The following WWOX variants were observed in gnomAD, a reference collection of about 807,000 sequenced individuals.
The protein encoded by WWOX is WW domain-containing oxidoreductase.
WWOX carries 69 observed loss-of-function variants against 46.2 expected under a neutral mutation model. The observed-to-expected ratio is 1.49, with a 90% confidence interval of 1.23 to 1.82. WWOX has a LOEUF of 1.82. Among genes scored for constraint, WWOX ranks in the 40% most tolerant of loss-of-function variants. The pLI, the probability that WWOX is intolerant of heterozygous loss-of-function variation, is 0.00. For missense variants in WWOX, 919 were observed against 542.6 expected (o/e 1.69, Z -6.89); for synonymous variants, 359 against 202.6 (o/e 1.77, Z -6.56).
chr16:78,308,446 G>A (rs56377920), intron 5 of WWOX, among the ~76,000 whole-genome samples: 7,757 of 152,054 alleles, frequency 0.051, 503 homozygotes, highest in African/African-American at 0.16. Flanking sequence ...AGATCCTAAG[G>A]CTGACAAAAC....
chr16:78,154,018 G>C (rs953578397), intron 4 of WWOX, among the ~76,000 whole-genome samples: 2 of 152,064 alleles, frequency 1.3e-5, no homozygotes, highest in African/African-American at 4.8e-5. Flanking sequence ...CTACCAGTGA[G>C]TCTCATGGTG....
In WWOX at chr16:78,099,736, C is replaced by A. The variant is rs747062183; in HGVS notation, c.-43C>A. ...GAGTGAGTTCCTGAGCGAGTGGACCCGGCAGCGGGCGATAGGGGGGCCAGG... is the reference window on the plus strand; with the variant it reads ...GAGTGAGTTCCTGAGCGAGTGGACCAGGCAGCGGGCGATAGGGGGGCCAGG... On this transcript the variant is annotated 5_prime_UTR_variant, in exon 1 of 9. Coordinates refer to ENST00000566780, the MANE Select transcript of WWOX (RefSeq NM_016373.4). 6.6e-7 allele frequency: 1 copy of A among 1,514,966 alleles called. No homozygotes were observed. 93.8% of individuals were successfully genotyped at this position (1,514,966 alleles called of 1,614,324 possible). A position where few individuals can be genotyped will look rare whatever the true frequency, so the allele number is the denominator to read the frequency against.
intron 8 of WWOX, among the ~76,000 whole-genome samples, chr16:78,844,556 G>A (rs916817149): frequency 1.3e-5 from 2 of 152,118 alleles, no homozygotes; most frequent in African/African-American, 2.4e-5. Flanking sequence ...AATGATAGGT[G>A]TACAAAAGGG....
chr16:78,405,251 G>A (rs2082500513), intron 6 of WWOX, among the ~76,000 whole-genome samples: 1 of 152,124 alleles, frequency 6.6e-6, no homozygotes, highest in African/African-American at 2.4e-5. Flanking sequence ...TGGTCTCCAG[G>A]GGACACAGCC....
At chr16:78,955,956 T>G (rs531764292) in intron 8 of WWOX, among the ~76,000 whole-genome samples, 1 of 152,004 alleles carries the variant, frequency 6.6e-6, no homozygotes, top group South Asian at 2.1e-4. Flanking sequence ...CCTCTGGCCT[T>G]CTTTTCACTT....
intron 8 of WWOX, among the ~76,000 whole-genome samples, chr16:78,974,050 T>G (rs2046524147): frequency 6.6e-6 from 1 of 152,254 alleles, no homozygotes. Flanking sequence ...AATTCTTTTC[T>G]AAATGGTTTC....
rs77629071 is a variant in WWOX, at chr16:78,552,966, G to C, written c.1056+120214G>C. ...GGTTGGGCAGGAGGCAGAGGGAGAG[G>C]GGGAGAACTGTCAAGAGTTTTGAGC... On this transcript the variant is annotated intron_variant, in intron 8 of 8. Coordinates refer to ENST00000566780, the MANE Select transcript of WWOX (RefSeq NM_016373.4). 3 of 152,276 alleles carry C rather than the reference G, an allele frequency of 2.0e-5. No homozygotes were observed. In the East Asian group the frequency reaches 5.8e-4, roughly 29 times the overall value. 9.4% of individuals were successfully genotyped at this position (152,276 alleles called of 1,614,324 possible).
At chr16:78,625,093 C>G (rs1443869101) in intron 8 of WWOX, among the ~76,000 whole-genome samples, 1 of 152,204 alleles carries the variant, frequency 6.6e-6, no homozygotes. Flanking sequence ...TGGCAGGTCC[C>G]AAGCTGTCTG....
intron 8 of WWOX, among the ~76,000 whole-genome samples, chr16:78,745,522 C>CTTTTTTTTTTTTTTTTT (rs5818168): frequency 6.5e-5 from 6 of 92,752 alleles, no homozygotes; most frequent in Non-Finnish European, 1.2e-4. Flanking sequence ...TGTGGAAATC[C>CTTTTTTTTTTTTTTTTT]TTTTTTTTTT....
At chr16:78,815,315 A>T (rs1031143052) in intron 8 of WWOX, among the ~76,000 whole-genome samples, 4 of 150,016 alleles carry the variant, frequency 2.7e-5, no homozygotes, top group African/African-American at 9.9e-5. Flanking sequence ...AGAGAATGAA[A>T]CTCTGTCTCG....
intron 5 of WWOX, among the ~76,000 whole-genome samples, chr16:78,213,677 A>G (rs1260225266): frequency 2.6e-5 from 4 of 152,274 alleles, no homozygotes; most frequent in South Asian, 2.1e-4. Context: ...GGAAAAGATG[A>G]CATTGGGGAC....
chr16:79,122,345 C>G (rs985112948), intron 8 of WWOX, among the ~76,000 whole-genome samples: 3 of 152,186 alleles, frequency 2.0e-5, no homozygotes, highest in Admixed American at 1.3e-4. Flanking sequence ...CTTACCCTGG[C>G]TATTGGAACA....
intron 5 of WWOX, among the ~76,000 whole-genome samples, chr16:78,336,505 C>CAAAAAA (rs386385163): frequency 1.1e-4 from 8 of 74,236 alleles, no homozygotes; most frequent in African/African-American, 3.3e-4. Context: ...GACTATGTCT[C>CAAAAAA]AAAAAAAAAA....
At chr16:78,109,071 C>T (rs1368277464) in intron 2 of WWOX, among the ~76,000 whole-genome samples, 5 of 152,120 alleles carry the variant, frequency 3.3e-5, no homozygotes, top group Non-Finnish European at 7.3e-5. Context: ...CCTATCGTTG[C>T]AGTGTTTATA....
chr16:79,121,356 A>C (rs189965143), intron 8 of WWOX, among the ~76,000 whole-genome samples: 3 of 152,302 alleles, frequency 2.0e-5, no homozygotes, highest in East Asian at 3.9e-4. Context: ...GCTGCTGTGG[A>C]AAAAATTTTA....
intron 8 of WWOX, among the ~76,000 whole-genome samples, chr16:79,059,219 A>G (rs560404392): frequency 1.3e-5 from 2 of 152,356 alleles, no homozygotes; most frequent in East Asian, 3.9e-4. Context: ...TGAATATGCT[A>G]TTACAGTTTG....
intron 5 of WWOX, among the ~76,000 whole-genome samples, chr16:78,221,334 T>C (rs1485770178): frequency 6.6e-6 from 1 of 152,166 alleles, no homozygotes; most frequent in Non-Finnish European, 1.5e-5. Flanking sequence ...GATTCCTATA[T>C]TGAGAAAAGA....
chr16:78,547,292 C>A (rs1291515107), intron 8 of WWOX, among the ~76,000 whole-genome samples: 1 of 152,014 alleles, frequency 6.6e-6, no homozygotes, highest in East Asian at 1.9e-4. Context: ...CAAATTAATA[C>A]AATTCTACTA....
At chr16:78,839,850 C>G (rs2052091047) in intron 8 of WWOX, among the ~76,000 whole-genome samples, 2 of 152,188 alleles carry the variant, frequency 1.3e-5, no homozygotes, top group Non-Finnish European at 2.9e-5. Context: ...TCTCCAAGTG[C>G]TTTTGTTTCC....
Sources: allele counts gnomAD v4.1 joint callset (sites outside exome capture counted in the v4.1 genomes callset), GRCh38; gene constraint gnomAD v4.1.1; transcripts MANE v1.5; gene names NCBI Gene and HGNC (gene_info 2026-07-23, HGNC 2026-07-21).